The following CCNC variants were observed in gnomAD, a reference collection of about 807,000 sequenced individuals.
CCNC encodes cyclin-C.
CCNC carries 19 observed loss-of-function variants against 50.0 expected under a neutral mutation model. The ratio of observed to expected loss-of-function variants is 0.38; its 90% confidence interval spans 0.27 to 0.56. The LOEUF is 0.56. CCNC is among the 20% of genes least tolerant of loss of function. The probability of loss-of-function intolerance (pLI) is 0.72; values close to 1 mark genes in which losing one functional copy is unlikely to be tolerated. For synonymous variants in CCNC, 93 were observed against 103.7 expected, an observed-to-expected ratio of 0.90 and a Z score of 0.63; for missense variants, 200 against 327.1, an observed-to-expected ratio of 0.61 and a Z score of 3.00.
intron 11 of CCNC, chr6:99,543,953 A>G (rs1452402020): frequency 8.1e-7 from 1 of 1,233,506 alleles, no homozygotes; most frequent in Non-Finnish European, 1.0e-6. Context: ...ATTTCCTATA[A>G]AATTAAATCT....
At chr6:99,545,313 C>T (rs1802027392) in intron 10 of CCNC, 83 bp from the exon 11 acceptor site, 1 of 695,324 alleles carries the variant, frequency 1.4e-6, no homozygotes, top group South Asian at 1.7e-5. Flanking sequence ...CTACACAACC[C>T]TCAGAAAACA....
At chr6:99,552,258 A>G (rs72928353) in intron 5 of CCNC, among the ~76,000 whole-genome samples, 11,640 of 152,204 alleles carry the variant, frequency 0.076, 586 homozygotes, top group South Asian at 0.12. Flanking sequence ...GGGGTTACAT[A>G]TGTGTTTACA....
intron 1 of CCNC, chr6:99,568,204 C>G: frequency 2.1e-6 from 1 of 480,230 alleles, no homozygotes; most frequent in South Asian, 2.3e-5. Context: ...CGACCCCCCG[C>G]GGCCTAGCTA....
intron 8 of CCNC, 177 bp from the exon 9 acceptor site, chr6:99,549,752 C>T: frequency 2.1e-6 from 1 of 478,336 alleles, no homozygotes; most frequent in Non-Finnish European, 3.7e-6. Context: ...ATGAATGTGA[C>T]AACAAATAAG....
At chr6:99,563,456 CCTAGT>C (rs1562494925) in intron 1 of CCNC, among the ~76,000 whole-genome samples, 1 of 152,174 alleles carries the variant, frequency 6.6e-6, no homozygotes, top group Non-Finnish European at 1.5e-5. Flanking sequence ...CCTCCTCTTG[CCTAGT>C]CAAGTGTGCT....
At chr6:99,561,291 G>T in intron 4 of CCNC, 76 bp downstream of exon 4, 1 of 883,562 alleles carries the variant, frequency 1.1e-6, no homozygotes, top group Non-Finnish European at 1.9e-6. Flanking sequence ...TTTTACATAG[G>T]CCATGTGAAA....
At chr6:99,550,175 T>C (rs1272173572) in intron 8 of CCNC, 43 bp downstream of exon 8, 4 of 1,306,522 alleles carry the variant, frequency 3.1e-6, no homozygotes, top group South Asian at 1.3e-5. Flanking sequence ...AACCTTCCTA[T>C]CTAATAACAT....
chr6:99,558,566 G>A lies in CCNC; in HGVS notation c.295-18C>T. On this transcript the variant is annotated intron_variant, in intron 4 of 11. Transcript: ENST00000520429. Reference sequence around the variant, plus strand: ...CCAAATTCCTAAAGAAAGAAAAGCAGGTACATGTTAACCCAATGAATCTAA... The same window carrying A: ...CCAAATTCCTAAAGAAAGAAAAGCAAGTACATGTTAACCCAATGAATCTAA... The A allele has an allele frequency of 6.3e-7, 1 of 1,590,258 alleles. No homozygotes were observed. Among genetic ancestry groups the A allele is most frequent in the Admixed American group, 1.9e-5 (1 of 53,294 alleles).
intron 5 of CCNC, among the ~76,000 whole-genome samples, chr6:99,554,617 A>C (rs330816): frequency 0.39 from 59,446 of 152,038 alleles, 11,776 homozygotes; most frequent in East Asian, 0.53. Flanking sequence ...GAGCTCTCTT[A>C]GTTAGCTCCT....
Position 99,546,376 on chromosome 6 carries a change from C to G in CCNC, c.678+19G>C. ...ATTAATTTTTAAACATCCAAGTTTA[C>G]ATACAACTAAGGGAATACCTTTTCC... On this transcript the variant is annotated intron_variant, in intron 10 of 11. Transcript: ENST00000520429. 1 of 1,543,198 alleles carries G rather than the reference C, an allele frequency of 6.5e-7. No individual in the cohort carries two copies. Among genetic ancestry groups the G allele is most frequent in the African/African-American group, 1.4e-5 (1 of 73,506 alleles).
chr6:99,545,191 G>T lies in CCNC; in HGVS notation c.718C>A (p.Gln240Lys). The T allele has an allele frequency of 6.2e-7, 1 of 1,606,024 alleles. No homozygotes were observed. Among genetic ancestry groups the T allele is most frequent in the Non-Finnish European group, 8.5e-7 (1 of 1,172,994 alleles). Residue 240 changes from glutamine to lysine, a missense_variant, in exon 11 of 12, where the codon CAG becomes AAG. By Grantham distance (53) the Gln-to-Lys change is moderately conservative (BLOSUM62 1). Coordinates refer to ENST00000520429, the MANE Select transcript of CCNC (RefSeq NM_005190.4). ...TTTCTCTCATCGAAATTCTTCCACT[G>T]CTCATATAGTTTTAAAATAACCCTG... ...IIRVILKLYE[Q>K]WKNFDERKEM...
Position 99,552,267 on chromosome 6 carries a change from C to T in CCNC, c.347-372G>A, listed in dbSNP as rs542793659. Among the ~76,000 whole-genome samples the T allele has an allele frequency of 1.2e-4, 18 of 151,992 alleles. No individual in the cohort carries two copies. In the South Asian group the frequency reaches 1.9e-3, roughly 16 times the overall value. The stretch of plus-strand genomic sequence containing the variant: ...AACACAGGGGTTACATATGTGTTTA[C>T]AATATATACAATTGGTAAAAAATAT... On this transcript the variant is annotated intron_variant, in intron 5 of 11. Transcript: ENST00000520429.
At position 99,543,329 on chromosome 6, in the gene CCNC, T is replaced by C. The variant is rs1801947492; in HGVS notation, c.*226A>G. On this transcript the variant is annotated 3_prime_UTR_variant, in exon 12 of 12. Coordinates refer to ENST00000520429, the MANE Select transcript of CCNC (RefSeq NM_005190.4). ...TGAAATGTCTATGTATGTCTGTCTG[T>C]AGGTCCCCTTAGAACCTTTCCAAAC... is the stretch of plus-strand genomic sequence containing the variant. 1 of 458,742 alleles carries C rather than the reference T, an allele frequency of 2.2e-6. No homozygotes were observed. The highest frequency in any genetic ancestry group is 2.0e-5 in the African/African-American group (1 of 50,660). The allele number at this position is 458,742 out of a possible 1,614,324, so 28.4% of individuals were successfully genotyped here.
intron 1 of CCNC, among the ~76,000 whole-genome samples, chr6:99,563,197 A>C (rs1768927685): frequency 6.6e-6 from 1 of 152,062 alleles, no homozygotes; most frequent in Admixed American, 6.6e-5. Flanking sequence ...TATTTCATTG[A>C]TTCTGGCTCT....
chr6:99,559,053 C>T (rs572177042), intron 4 of CCNC, among the ~76,000 whole-genome samples: 1 of 152,040 alleles, frequency 6.6e-6, no homozygotes, highest in Non-Finnish European at 1.5e-5. Context: ...AGATTGTTTA[C>T]ATTCTATACT....
intron 5 of CCNC, among the ~76,000 whole-genome samples, chr6:99,552,399 G>A (rs1470529058): frequency 6.6e-6 from 1 of 151,972 alleles, no homozygotes; most frequent in South Asian, 2.1e-4. Context: ...TTTTTACAAT[G>A]ACCAGGTATT....
Position 99,543,391 on chromosome 6 carries a change from G to T in CCNC, c.*164C>A. 1.5e-6 allele frequency: 1 copy of T among 665,542 alleles called. No individual in the cohort carries two copies. Among genetic ancestry groups the T allele is most frequent in the Non-Finnish European group, 2.5e-6 (1 of 395,278 alleles). The allele number at this position is 665,542 out of a possible 1,614,324, so 41.2% of individuals were successfully genotyped here. A position where few individuals can be genotyped will look rare whatever the true frequency, so the allele number is the denominator to read the frequency against. ...AGAGATTTTAATCAATTATGTACTA[G>T]AATCATATTAAAGAAAAACTTATTT... is the stretch of plus-strand genomic sequence containing the variant. On this transcript the variant is annotated 3_prime_UTR_variant, in exon 12 of 12. Coordinates refer to ENST00000520429, the MANE Select transcript of CCNC (RefSeq NM_005190.4).
intron 7 of CCNC, chr6:99,550,576 G>A: frequency 2.7e-6 from 1 of 374,782 alleles, no homozygotes; most frequent in Non-Finnish European, 4.8e-6. Context: ...GACTCAAAGT[G>A]TCACATCTGC....
rs370231452 is a variant in CCNC, at chr6:99,567,442, T to C, written c.32+1054A>G. On this transcript the variant is annotated intron_variant, in intron 1 of 11. Coordinates refer to ENST00000520429, the MANE Select transcript of CCNC (RefSeq NM_005190.4). ...ACACATATATATACACACACACACA[T>C]ATGATCAGTGGTAAAGCTTCTTTAA... 2.8e-5 allele frequency among the ~76,000 whole-genome samples: 4 copies of C among 141,872 alleles called. No individual in the cohort carries two copies. In the East Asian group the frequency reaches 6.6e-4, roughly 24 times the overall value. The allele number at this position is 141,872 out of a possible 152,430, so 93.1% of individuals were successfully genotyped here. A position where few individuals can be genotyped will look rare whatever the true frequency, so the allele number is the denominator to read the frequency against.
Sources: allele counts gnomAD v4.1 joint callset (sites outside exome capture counted in the v4.1 genomes callset), GRCh38; gene constraint gnomAD v4.1.1; transcripts MANE v1.5; gene names NCBI Gene and HGNC (gene_info 2026-07-23, HGNC 2026-07-21).